The following ARID1B variants were observed in gnomAD, a reference collection of about 807,000 sequenced individuals.
ARID1B encodes the protein AT-rich interaction domain 1B, also known as AT-rich interactive domain-containing protein 1B.
In ARID1B, 30 loss-of-function variants were observed where a neutral mutation model predicts 212.3. The ratio of observed to expected loss-of-function variants is 0.14; its 90% CI spans 0.11 to 0.19. The LOEUF is 0.19. ARID1B is among the 10% of genes least tolerant of loss of function. The pLI is 1.00. For synonymous variants in ARID1B, 1,402 were observed against 1,301.7 expected, an observed-to-expected ratio of 1.08 and a Z score of -1.66; for missense variants, 2,891 against 3,204.0, an observed-to-expected ratio of 0.90 and a Z score of 2.36.
chr6:156,803,199 C>T (rs1341178691), intron 1 of ARID1B, among the ~76,000 whole-genome samples: 2 of 152,058 alleles, frequency 1.3e-5, no homozygotes, highest in Non-Finnish European at 2.9e-5. Context: ...ATGGAATTTT[C>T]GTGCATGTGG....
chr6:156,962,077 A>T (rs951400620), intron 4 of ARID1B, among the ~76,000 whole-genome samples: 4 of 152,184 alleles, frequency 2.6e-5, no homozygotes, highest in Non-Finnish European at 5.9e-5. Context: ...AGGTGGGTGG[A>T]TCACGAGGTC....
At chr6:157,028,709 G>T (rs1418929087) in intron 4 of ARID1B, among the ~76,000 whole-genome samples, 2 of 152,164 alleles carry the variant, frequency 1.3e-5, no homozygotes, top group African/African-American at 4.8e-5. Flanking sequence ...AACTGACAGG[G>T]TTACACTATT....
At chr6:156,997,853 A>G (rs1183354374) in intron 4 of ARID1B, among the ~76,000 whole-genome samples, 1 of 152,216 alleles carries the variant, frequency 6.6e-6, no homozygotes, top group Non-Finnish European at 1.5e-5. Flanking sequence ...GGAAGACTGC[A>G]ATTACACAAA....
intron 4 of ARID1B, among the ~76,000 whole-genome samples, chr6:157,039,099 C>T (rs145811987): frequency 0.019 from 2,868 of 151,966 alleles, 79 homozygotes; most frequent in African/African-American, 0.064. Flanking sequence ...TTGAACTCCT[C>T]GCCTCAAGTG....
At chr6:157,088,701 C>T (rs1785103420) in intron 5 of ARID1B, among the ~76,000 whole-genome samples, 2 of 152,122 alleles carry the variant, frequency 1.3e-5, no homozygotes, top group Non-Finnish European at 2.9e-5. Flanking sequence ...AATGCAAATA[C>T]ACCTTCCTTT....
At chr6:157,021,346 C>G (rs1780237047) in intron 4 of ARID1B, among the ~76,000 whole-genome samples, 1 of 152,238 alleles carries the variant, frequency 6.6e-6, no homozygotes, top group Admixed American at 6.5e-5. Context: ...CGGAATCCCC[C>G]GGGAGTGGGA....
At chr6:156,950,609 G>C (rs1252582369) in intron 4 of ARID1B, among the ~76,000 whole-genome samples, 1 of 152,126 alleles carries the variant, frequency 6.6e-6, no homozygotes, top group Admixed American at 6.5e-5. Context: ...ATTTTGCGGG[G>C]GGGTAACAAC....
rs1778911678 is a variant in ARID1B at position 156,778,857 on chromosome 6, G to T, written c.1177G>T (p.Gly393Cys). 3 of 1,403,486 alleles carry T rather than the reference G, an allele frequency of 2.1e-6. No homozygotes were observed. The highest frequency in any genetic ancestry group is 3.2e-5 in the South Asian group (2 of 62,966). 86.9% of individuals were successfully genotyped at this position (1,403,486 alleles called of 1,614,324 possible). Residue 393 changes from glycine to cysteine, a missense_variant, in exon 1 of 20, where the codon GGC (glycine) becomes TGC (cysteine). Physicochemically the swap from Gly to Cys is radical, Grantham distance 159. Around this residue, in one of 7 missense-constraint regions of ARID1B, gnomAD observed 1,643 missense variants for 1,544.0 expected, o/e 1.06. Coordinates refer to ENST00000636930, the MANE Select transcript of ARID1B (RefSeq NM_001374828.1). The stretch of plus-strand genomic sequence containing the variant: ...CAGCCGGCCCGGCGCGGGCGGCGGC[G>T]GCGGCGGCGGCGGCGGAGGAGGAGG... ...GYSRPGAGGG[G>C]GGGGGGGGGS...
In ARID1B at chr6:157,148,160, T is replaced by A. The variant is rs1192017239; in HGVS notation, c.2762-464T>A. On this transcript the variant is annotated intron_variant, in intron 7 of 19. Coordinates refer to ENST00000636930, the MANE Select transcript of ARID1B (RefSeq NM_001374828.1). The surrounding 1 kb of genome is among the most constrained non-coding windows in gnomAD (Gnocchi z 5.6). ...GTTTTAAAGGATGATTTTGACCATA[T>A]GTGCATGTCGTCTTACACGTTGTCT... Among the ~76,000 whole-genome samples the A allele has an allele frequency of 6.6e-6, 1 of 152,118 alleles. No individual in the cohort carries two copies. The highest frequency in any genetic ancestry group is 2.4e-5 in the African/African-American group (1 of 41,398).
At chr6:156,864,336 G>A (rs963614346) in intron 2 of ARID1B, among the ~76,000 whole-genome samples, 1 of 152,092 alleles carries the variant, frequency 6.6e-6, no homozygotes, top group African/African-American at 2.4e-5. Context: ...GGTGTGCTTC[G>A]GGCAGTGAGT....
intron 2 of ARID1B, among the ~76,000 whole-genome samples, chr6:156,838,467 TGCAGGGATGGTTTTCCA>T (rs1783658918): frequency 1.3e-5 from 2 of 152,096 alleles, no homozygotes; most frequent in South Asian, 4.1e-4. Context: ...AAGACAGCTG[TGCAGGGATGGTTTTCCA>T]GCCTGAGCTG....
chr6:156,970,230 A>G (rs1196063377), intron 4 of ARID1B, among the ~76,000 whole-genome samples: 5 of 151,756 alleles, frequency 3.3e-5, no homozygotes, highest in African/African-American at 1.2e-4. Flanking sequence ...ACAGGCGCCC[A>G]CCACCATACC....
chr6:157,172,309 T>G (rs1791765693), intron 9 of ARID1B, among the ~76,000 whole-genome samples: 1 of 152,212 alleles, frequency 6.6e-6, no homozygotes, highest in African/African-American at 2.4e-5. Flanking sequence ...GTTTCACACA[T>G]TCACAAAAAT....
At chr6:156,884,431 G>T (rs1314866565) in intron 2 of ARID1B, among the ~76,000 whole-genome samples, 1 of 152,152 alleles carries the variant, frequency 6.6e-6, no homozygotes, top group African/African-American at 2.4e-5. Flanking sequence ...CAGTTGCACG[G>T]CAGGTCTTCT....
At chr6:157,199,035 C>G (rs1396326403) in intron 17 of ARID1B, 128 bp downstream of exon 17, 2 of 777,506 alleles carry the variant, frequency 2.6e-6, no homozygotes, top group African/African-American at 3.5e-5. Flanking sequence ...GTTGAGCATT[C>G]AGGATATAGT....
chr6:157,103,000 G>A (rs1445934732), intron 5 of ARID1B, among the ~76,000 whole-genome samples: 1 of 152,094 alleles, frequency 6.6e-6, no homozygotes, highest in African/African-American at 2.4e-5. Flanking sequence ...GGCAAATAAA[G>A]TTTTATTTAT....
At chr6:156,798,555 G>A (rs1036383137) in intron 1 of ARID1B, among the ~76,000 whole-genome samples, 2 of 152,252 alleles carry the variant, frequency 1.3e-5, no homozygotes, top group African/African-American at 4.8e-5. Context: ...CCTTGTTGAG[G>A]GTGGAGAATA....
At chr6:157,018,730 A>G (rs895050688) in intron 4 of ARID1B, among the ~76,000 whole-genome samples, 3 of 152,152 alleles carry the variant, frequency 2.0e-5, no homozygotes, top group East Asian at 1.9e-4. Flanking sequence ...AAACTTTTCT[A>G]TGGATTTTTG....
Position 156,955,646 on chromosome 6 carries a change from T to C in ARID1B, c.2247+20070T>C, listed in dbSNP as rs1793909892. Among the ~76,000 whole-genome samples the C allele has an allele frequency of 2.0e-5, 3 of 152,212 alleles. No homozygotes were observed. In the South Asian group the frequency reaches 6.2e-4, roughly 32 times the overall value. On this transcript the variant is annotated intron_variant, in intron 4 of 19. Coordinates refer to ENST00000636930, the MANE Select transcript of ARID1B (RefSeq NM_001374828.1). The surrounding 1 kb of genome is among the most constrained non-coding windows in gnomAD (Gnocchi z 4.2). ...CTAGTTCACCTTGCCACCTGAGTGA[T>C]ACGCCTCAGCTCCTTCCCTGTGTCC...
Sources: allele counts gnomAD v4.1 joint callset (sites outside exome capture counted in the v4.1 genomes callset), GRCh38; gene constraint gnomAD v4.1.1; regional missense constraint gnomAD v4.1.1; non-coding constraint Gnocchi (gnomAD v3.1); transcripts MANE v1.5; gene names NCBI Gene and HGNC (gene_info 2026-07-23, HGNC 2026-07-21).